Variants in CMTM4 observed in about 807,000 individuals in gnomAD.
CMTM4 encodes the protein CKLF like MARVEL transmembrane domain containing 4, also known as CKLF-like MARVEL transmembrane domain-containing protein 4.
Under a neutral mutation model 19.0 loss-of-function variants are expected in CMTM4, and 8 were observed. The ratio of observed to expected loss-of-function variants is 0.42; its 90% CI spans 0.25 to 0.76. The LOEUF is 0.76. Among genes scored for constraint, CMTM4 ranks in the 30% least tolerant of loss-of-function variants. CMTM4 has a pLI of 0.27. For synonymous variants in CMTM4, 106 were observed against 121.1 expected (o/e 0.88, Z 0.82); for missense variants, 228 against 290.2 (o/e 0.79, Z 1.56).
rs1174665257 is a variant in CMTM4, at chr16:66,651,558, CT to C, written c.187-14978del. On this transcript the variant is annotated intron_variant, in intron 1 of 3. Coordinates refer to ENST00000394106, the MANE Select transcript of CMTM4 (RefSeq NM_181521.3). Reference sequence around the variant, plus strand: ...CCAGGTCCCAAAGCTAGTTCCTCCCCTACCTCATTCTCCTAGATAAGATGCC... The same window carrying C: ...CCAGGTCCCAAAGCTAGTTCCTCCCCACCTCATTCTCCTAGATAAGATGCC... Among the ~76,000 whole-genome samples, 3 of 152,282 alleles carry C rather than the reference CT, an allele frequency of 2.0e-5. 1 individual carries two copies. The East Asian group carries it at 5.8e-4, about 29-fold the overall frequency.
chr16:66,673,499 C>T (rs747688734), intron 1 of CMTM4, among the ~76,000 whole-genome samples: 1 of 152,092 alleles, frequency 6.6e-6, no homozygotes, highest in Non-Finnish European at 1.5e-5. Flanking sequence ...AGCCACTGCA[C>T]CCGGCCCACG....
intron 1 of CMTM4, among the ~76,000 whole-genome samples, chr16:66,686,655 T>C (rs1408885974): frequency 6.6e-6 from 1 of 151,934 alleles, no homozygotes; most frequent in Admixed American, 6.6e-5. Flanking sequence ...CATTTCCCAG[T>C]TGTCTGTACT....
Position 66,683,141 on chromosome 16 carries a change from A to G in CMTM4, c.186+13199T>C, listed in dbSNP as rs919184003. 3.0e-5 allele frequency among the ~76,000 whole-genome samples: 4 copies of G among 131,904 alleles called. No individual in the cohort carries two copies. The Admixed American group carries it at 3.4e-4, about 11-fold the overall frequency. 86.5% of individuals were successfully genotyped at this position (131,904 alleles called of 152,430 possible). On this transcript the variant is annotated intron_variant, in intron 1 of 3. Coordinates refer to ENST00000394106, the MANE Select transcript of CMTM4 (RefSeq NM_181521.3). ...TGTGTGTGTGTGTGTATATATATAT[A>G]TATATGTATATATATATACGTATAT... is the stretch of plus-strand genomic sequence containing the variant.
intron 1 of CMTM4, among the ~76,000 whole-genome samples, chr16:66,653,294 T>C (rs1224649937): frequency 1.3e-5 from 2 of 152,108 alleles, no homozygotes; most frequent in East Asian, 1.9e-4. Flanking sequence ...GCCAAAATAG[T>C]GAACTGCATA....
chr16:66,689,356 T>C (rs1380575227), intron 1 of CMTM4, among the ~76,000 whole-genome samples: 3 of 152,246 alleles, frequency 2.0e-5, no homozygotes, highest in Non-Finnish European at 2.9e-5. Flanking sequence ...GGAAAAGTAC[T>C]GAATTTTGTC....
In CMTM4 at chr16:66,696,063, G is replaced by C. The variant is rs936215576; in HGVS notation, c.186+277C>G. On this transcript the variant is annotated intron_variant, in intron 1 of 3. Coordinates refer to ENST00000394106, the MANE Select transcript of CMTM4 (RefSeq NM_181521.3). This position sits in a 1 kb window ranked among gnomAD's most constrained non-coding sequence, Gnocchi z 4.3. ...GCCCAGTAACGCCACAGACTCCCGG[G>C]AGCGAGGGCGGAGCGGACAGGTAGG... is the stretch of plus-strand genomic sequence containing the variant. Among the ~76,000 whole-genome samples, 1 of 152,222 alleles carries C rather than the reference G, an allele frequency of 6.6e-6. No homozygotes were observed. The highest frequency in any genetic ancestry group is 1.5e-5 in the Non-Finnish European group (1 of 68,038).
intron 1 of CMTM4, among the ~76,000 whole-genome samples, chr16:66,686,694 T>C (rs1239429045): frequency 2.6e-5 from 4 of 152,012 alleles, no homozygotes; most frequent in Non-Finnish European, 1.5e-5. Flanking sequence ...AAACCTGGAA[T>C]AAACTGAGAC....
chr16:66,624,822 G>A (rs1280426291), intron 2 of CMTM4, among the ~76,000 whole-genome samples: 1 of 152,176 alleles, frequency 6.6e-6, no homozygotes, highest in South Asian at 2.1e-4. Flanking sequence ...TAACAGTGCT[G>A]AGTCTTGCAG....
intron 1 of CMTM4, among the ~76,000 whole-genome samples, chr16:66,649,508 C>A (rs1404461330): frequency 1.4e-5 from 2 of 145,554 alleles, no homozygotes; most frequent in African/African-American, 5.3e-5. Flanking sequence ...GATTTTTTTT[C>A]TTCCTAATAT....
At chr16:66,686,062 G>T (rs962854005) in intron 1 of CMTM4, among the ~76,000 whole-genome samples, 2 of 151,970 alleles carry the variant, frequency 1.3e-5, no homozygotes, top group African/African-American at 2.4e-5. Context: ...AGACCATCCC[G>T]GCCAACATGG....
At chr16:66,641,157 A>T (rs1375785549) in intron 1 of CMTM4, among the ~76,000 whole-genome samples, 1 of 152,122 alleles carries the variant, frequency 6.6e-6, no homozygotes, top group Non-Finnish European at 1.5e-5. Context: ...TGACCCTCCT[A>T]CCTCAAACTT....
chr16:66,600,320 T>A, the CMTM4 span, among the ~76,000 whole-genome samples: 13 of 152,022 alleles, frequency 8.6e-5, no homozygotes, highest in Admixed American at 5.9e-4. Context: ...ATTTTTTGTG[T>A]TTTTAGTAGA....
chr16:66,669,349 G>T lies in CMTM4; in HGVS notation c.186+26991C>A, dbSNP rs545222375. Among the ~76,000 whole-genome samples, 4 of 152,094 alleles carry T rather than the reference G, an allele frequency of 2.6e-5. No individual in the cohort carries two copies. The South Asian group carries it at 8.3e-4, about 32-fold the overall frequency. On this transcript the variant is annotated intron_variant, in intron 1 of 3. Transcript: ENST00000394106. ...CAAAGAAAGGGAACGAGGAAGTTTT[G>T]TGGGTTGATGAAACTGTTGTTCAGT...
the CMTM4 span, among the ~76,000 whole-genome samples, chr16:66,603,286 TA>T: frequency 6.6e-6 from 1 of 151,982 alleles, no homozygotes; most frequent in Non-Finnish European, 1.5e-5. Flanking sequence ...AGTCTTTATT[TA>T]TTTTTTTTTT....
chr16:66,609,940 G>A (rs748600524), downstream of CMTM4: 29 of 1,613,950 alleles, frequency 1.8e-5, no homozygotes, highest in African/African-American at 2.7e-5. This position sits in a 1 kb window ranked among gnomAD's most constrained non-coding sequence, Gnocchi z 4.4. Flanking sequence ...GATCTTTAAC[G>A]ACGTGGCCAA....
intron 2 of CMTM4, among the ~76,000 whole-genome samples, chr16:66,635,621 C>G (rs1016598371): frequency 6.6e-6 from 1 of 152,240 alleles, no homozygotes; most frequent in African/African-American, 2.4e-5. Context: ...TCCCCCTCAG[C>G]AGCTGAGGTG....
chr16:66,640,578 T>C (rs2016081306), intron 1 of CMTM4, among the ~76,000 whole-genome samples: 1 of 152,212 alleles, frequency 6.6e-6, no homozygotes, highest in African/African-American at 2.4e-5. Context: ...AGGATCTCCT[T>C]TGGGTCTTAA....
intron 1 of CMTM4, among the ~76,000 whole-genome samples, chr16:66,683,176 CATATGT>C (rs2016962473): frequency 9.4e-6 from 1 of 106,048 alleles, no homozygotes; most frequent in Admixed American, 1.1e-4. Context: ...TATATATATA[CATATGT>C]ATATATATAT....
intron 1 of CMTM4, among the ~76,000 whole-genome samples, chr16:66,667,179 G>A (rs2144872615): frequency 6.6e-6 from 1 of 152,142 alleles, no homozygotes; most frequent in East Asian, 1.9e-4. Flanking sequence ...ACAAAAATTT[G>A]CTGGGTGTGG....
Sources: gnomAD v4.1 joint callset for allele counts (sites outside exome capture counted in the v4.1 genomes callset) on GRCh38, gnomAD v4.1.1 for gene constraint, Gnocchi (gnomAD v3.1) non-coding constraint, MANE v1.5 for transcripts, NCBI Gene and HGNC (gene_info 2026-07-23, HGNC 2026-07-21) for gene names.